Variants in NR4A3 observed in about 807,000 individuals in gnomAD.
The protein encoded by NR4A3 is chondrosarcoma, extraskeletal myxoid, fused to EWS.
In NR4A3, 13 loss-of-function variants were observed where a neutral mutation model predicts 55.6. That is an observed-to-expected ratio of 0.23 (90% CI 0.15 to 0.37). The LOEUF (loss-of-function observed/expected upper bound fraction) is 0.37, where lower values mean the gene tolerates loss of function less well. NR4A3 is among the 10% of genes least tolerant of loss of function. The probability of loss-of-function intolerance (pLI) is 1.00; values close to 1 mark genes in which losing one functional copy is unlikely to be tolerated. For missense variants in NR4A3, 646 were observed against 822.8 expected, an observed-to-expected ratio of 0.79 and a Z score of 2.63; for synonymous variants, 342 against 357.9, an observed-to-expected ratio of 0.96 and a Z score of 0.50.
In NR4A3 at chr9:99,828,378, T is replaced by G. The variant is rs778828687; in HGVS notation, c.336T>G (p.His112Gln). Residue 112 changes from histidine to glutamine, a missense_variant, in exon 3 of 8, where the codon CAT becomes CAG. Around this residue, in one of 5 missense-constraint regions of NR4A3, gnomAD observed 426 missense variants for 429.4 expected, o/e 0.99. Coordinates refer to ENST00000395097, the MANE Select transcript of NR4A3 (RefSeq NM_006981.4). The surrounding 1 kb of genome is among the most constrained non-coding windows in gnomAD (Gnocchi z 7.7). The stretch of plus-strand genomic sequence containing the variant: ...ACCACCACCATCACCAGCAGCAGCA[T>G]CAGCAGCCATCCATTCCTCCAGCCT... ...HHHHHHHQQQ[H>Q]QQPSIPPASS... The G allele has an allele frequency of 5.5e-5, 87 of 1,594,128 alleles. No homozygotes were observed. Among genetic ancestry groups the G allele is most frequent in the Admixed American group, 1.2e-4 (7 of 59,130 alleles).
chr9:99,836,964 T>C (rs113251015), intron 5 of NR4A3, among the ~76,000 whole-genome samples: 12,228 of 152,322 alleles, frequency 0.08, 651 homozygotes, highest in Middle Eastern at 0.15. Flanking sequence ...ATTTGTGATG[T>C]TGAGCATTTT....
chr9:99,863,566 G>A, intron 7 of NR4A3, 54 bp from the exon 8 acceptor site: 1 of 1,572,124 alleles, frequency 6.4e-7, no homozygotes, highest in South Asian at 1.2e-5. Context: ...GATTCAAAGT[G>A]TCTTAAGATG....
At position 99,855,679 on chromosome 9, in the gene NR4A3, T is replaced by A. The variant is rs368624049; in HGVS notation, c.1634-7941T>A. On this transcript the variant is annotated intron_variant, in intron 7 of 7. Coordinates refer to ENST00000395097, the MANE Select transcript of NR4A3 (RefSeq NM_006981.4). The stretch of plus-strand genomic sequence containing the variant: ...GGCTCAATGTCTCTGGGACTGCCCA[T>A]CAGTAAAGGATGTTGTGTATGACAT... Among the ~76,000 whole-genome samples the A allele has an allele frequency of 7.2e-5, 11 of 152,188 alleles. No individual in the cohort carries two copies. In the East Asian group the frequency reaches 1.5e-3, roughly 21 times the overall value.
At chr9:99,837,554 A>G (rs137962017) in intron 5 of NR4A3, among the ~76,000 whole-genome samples, 2 of 152,228 alleles carry the variant, frequency 1.3e-5, no homozygotes, top group East Asian at 3.9e-4. Flanking sequence ...TTTTTAAATT[A>G]CAATAATAGT....
chr9:99,827,962 C>T, intron 2 of NR4A3, 79 bp from the exon 3 acceptor site: 1 of 1,503,870 alleles, frequency 6.6e-7, no homozygotes, highest in Non-Finnish European at 9.0e-7. Flanking sequence ...GATTAGAGAA[C>T]AGTGAACCCA....
chr9:99,838,320 G>A (rs755000576), intron 5 of NR4A3, among the ~76,000 whole-genome samples: 23 of 152,182 alleles, frequency 1.5e-4, no homozygotes, highest in Non-Finnish European at 2.9e-4. Context: ...AAATACGAGA[G>A]GTGCTGCTCA....
chr9:99,827,203 T>G (rs919396736), intron 2 of NR4A3, among the ~76,000 whole-genome samples: 4 of 152,106 alleles, frequency 2.6e-5, no homozygotes, highest in Non-Finnish European at 5.9e-5. Flanking sequence ...AGTTATAAAC[T>G]GTTATCACAA....
At chr9:99,834,977 T>A (rs1827530486) in intron 5 of NR4A3, 1 of 967,862 alleles carries the variant, frequency 1.0e-6, no homozygotes, top group Non-Finnish European at 1.2e-6. Flanking sequence ...CGGGCCTAGA[T>A]GAAAATCCCA....
chr9:99,833,767 TC>T (rs1827495585), intron 5 of NR4A3: 1 of 1,384,250 alleles, frequency 7.2e-7, no homozygotes, highest in Non-Finnish European at 9.4e-7. Flanking sequence ...TAGATTTATC[TC>T]GTGATCTAGA....
chr9:99,851,390 T>C (rs2416879), intron 7 of NR4A3, among the ~76,000 whole-genome samples: 12,084 of 152,290 alleles, frequency 0.079, 620 homozygotes, highest in Non-Finnish European at 0.11. Context: ...CTGGGCTATT[T>C]ACATTACAAA....
chr9:99,825,372 G>C lies in NR4A3; in HGVS notation c.-176-287G>C, dbSNP rs1453528075. Reference sequence around the variant, plus strand: ...AGAGATCAATTTCTGGGCAATAACAGGCTGCGCGTTTTTTTTTTAGCCTCG... The same window carrying C: ...AGAGATCAATTTCTGGGCAATAACACGCTGCGCGTTTTTTTTTTAGCCTCG... On this transcript the variant is annotated intron_variant, in intron 1 of 7. Coordinates refer to ENST00000395097, the MANE Select transcript of NR4A3 (RefSeq NM_006981.4). The surrounding 1 kb of genome is among the most constrained non-coding windows in gnomAD (Gnocchi z 5.0). Among the ~76,000 whole-genome samples, 3 of 152,136 alleles carry C rather than the reference G, an allele frequency of 2.0e-5. No homozygotes were observed. The East Asian group carries it at 5.8e-4, about 29-fold the overall frequency.
chr9:99,823,149 C>T (rs1827215509), intron 1 of NR4A3, among the ~76,000 whole-genome samples: 1 of 152,222 alleles, frequency 6.6e-6, no homozygotes, highest in Non-Finnish European at 1.5e-5. Context: ...TGTCCCTCTC[C>T]TCTGGACGTT....
At chr9:99,829,017 C>T in intron 3 of NR4A3, 24 bp downstream of exon 3, 4 of 1,316,170 alleles carry the variant, frequency 3.0e-6, no homozygotes, top group Non-Finnish European at 3.9e-6. Context: ...GCCCCCTCCC[C>T]TCCGCACCCA....
intron 7 of NR4A3, among the ~76,000 whole-genome samples, chr9:99,859,858 G>C (rs1827981340): frequency 6.6e-6 from 1 of 152,182 alleles, no homozygotes; most frequent in African/African-American, 2.4e-5. Context: ...GGAAGGGAAA[G>C]CTTAAATCAA....
intron 5 of NR4A3, among the ~76,000 whole-genome samples, chr9:99,835,560 A>G (rs922558151): frequency 3.3e-5 from 5 of 152,242 alleles, no homozygotes; most frequent in Admixed American, 2.0e-4. Flanking sequence ...GCCTAGGCTA[A>G]GGCTATAGCA....
rs756486785 is a variant in NR4A3, at chr9:99,828,038, C to A, written c.-2-3C>A. On this transcript the variant is annotated splice_region_variant and splice_polypyrimidine_tract_variant and intron_variant, in intron 2 of 7. Coordinates refer to ENST00000395097, the MANE Select transcript of NR4A3 (RefSeq NM_006981.4). The surrounding 1 kb of genome is among the most constrained non-coding windows in gnomAD (Gnocchi z 7.7). ...TGAGAGACCCTTTTCTCTGTCCCTG[C>A]AGATATGCCCTGCGTCCAAGCCCAA... 2 of 1,610,356 alleles carry A rather than the reference C, an allele frequency of 1.2e-6. No individual in the cohort carries two copies. The highest frequency in any genetic ancestry group is 1.7e-6 in the Non-Finnish European group (2 of 1,177,812).
chr9:99,848,669 C>T (rs1827796925), intron 7 of NR4A3, among the ~76,000 whole-genome samples: 1 of 152,242 alleles, frequency 6.6e-6, no homozygotes, highest in Non-Finnish European at 1.5e-5. Flanking sequence ...TAACCACAAA[C>T]ATAAAAGATA....
intron 3 of NR4A3, among the ~76,000 whole-genome samples, chr9:99,830,298 A>C (rs1489520839): frequency 2.6e-5 from 4 of 152,236 alleles, no homozygotes; most frequent in African/African-American, 9.7e-5. Context: ...ATGACACTTC[A>C]TTCTAAGCCT....
chr9:99,841,414 AC>A (rs1827648643), intron 5 of NR4A3, among the ~76,000 whole-genome samples: 1 of 152,162 alleles, frequency 6.6e-6, no homozygotes, highest in Admixed American at 6.5e-5. Context: ...TCTGAACTGG[AC>A]CAGATGTTAT....
Sources: gnomAD v4.1 joint callset for allele counts (sites outside exome capture counted in the v4.1 genomes callset) on GRCh38, gnomAD v4.1.1 for gene constraint, gnomAD v4.1.1 regional missense constraint, Gnocchi (gnomAD v3.1) non-coding constraint, MANE v1.5 for transcripts, NCBI Gene and HGNC (gene_info 2026-07-23, HGNC 2026-07-21) for gene names.